RBP5: variants seen among roughly 807,000 people sequenced by gnomAD.
RBP5 encodes the protein retinol-binding protein 5.
Under a neutral mutation model 17.8 loss-of-function variants are expected in RBP5, and 12 were observed. The observed-to-expected ratio is 0.67, with a 90% confidence interval of 0.43 to 1.09. The LOEUF is 1.09. RBP5 is among the 50% of genes least tolerant of loss of function. The pLI is 0.00. For synonymous variants in RBP5, 64 were observed against 68.1 expected (o/e 0.94, Z 0.30); for missense variants, 172 against 169.4 (o/e 1.02, Z -0.09).
rs750488072 is a variant in RBP5 at position 7,117,794 on chromosome 12, C to T, written n.890-487G>A. ...GACAAGGTCTCCATCAGCAGATTGC[C>T]CAACAGAACAAGTTCAGAGCCCAGA... On this transcript the variant is annotated intron_variant and non_coding_transcript_variant, in intron 3 of 3. Transcript: ENST00000619522. This position sits in a 1 kb window ranked among gnomAD's most constrained non-coding sequence, Gnocchi z 4.9. 2.6e-5 allele frequency: 4 copies of T among 152,260 alleles called. No homozygotes were observed. Among genetic ancestry groups the T allele is most frequent in the African/African-American group, 7.2e-5 (3 of 41,548 alleles). 9.4% of individuals were successfully genotyped at this position (152,260 alleles called of 1,614,324 possible). A position where few individuals can be genotyped will look rare whatever the true frequency, so the allele number is the denominator to read the frequency against.
chr12:7,123,050 G>C (rs1421511458), downstream of RBP5, among the ~76,000 whole-genome samples: 1 of 152,084 alleles, frequency 6.6e-6, no homozygotes, highest in Admixed American at 6.5e-5. Context: ...CCTTCCCCCA[G>C]GCTCTTTTCC....
chr12:7,129,891 C>T, upstream of RBP5: 1 of 825,580 alleles, frequency 1.2e-6, no homozygotes, highest in Non-Finnish European at 1.5e-6. The surrounding 1 kb of genome is among the most constrained non-coding windows in gnomAD (Gnocchi z 5.5). Context: ...CGATACCGCC[C>T]TGCGGACCGC....
In RBP5 at chr12:7,124,298, T is replaced by A. The variant is rs1591608110; in HGVS notation, c.355-124A>T. 3 of 814,678 alleles carry A rather than the reference T, an allele frequency of 3.7e-6. No individual in the cohort carries two copies. In the East Asian group the frequency reaches 8.0e-5, roughly 22 times the overall value. The allele number at this position is 814,678 out of a possible 1,614,324, so 50.5% of individuals were successfully genotyped here. A position where few individuals can be genotyped will look rare whatever the true frequency, so the allele number is the denominator to read the frequency against. On this transcript the variant is annotated intron_variant, in intron 3 of 3. Transcript: ENST00000266560. This position sits in a 1 kb window ranked among gnomAD's most constrained non-coding sequence, Gnocchi z 5.3. ...TACAGCAGCTTGAGTGTTTGATGTA[T>A]GGGCAATTGTATCATTATTCCACAT...
chr12:7,126,174 A>G (rs1194832865), intron 2 of RBP5, among the ~76,000 whole-genome samples: 1 of 152,102 alleles, frequency 6.6e-6, no homozygotes, highest in African/African-American at 2.4e-5. Flanking sequence ...AACACAGGAG[A>G]GCCATTTAGA....
At chr12:7,126,964 C>T (rs1334606649) in intron 2 of RBP5, among the ~76,000 whole-genome samples, 2 of 151,196 alleles carry the variant, frequency 1.3e-5, no homozygotes, top group Non-Finnish European at 2.9e-5. Flanking sequence ...CGCCACCATG[C>T]CCGGCTAATT....
chr12:7,122,920 C>T (rs1214927630), downstream of RBP5, among the ~76,000 whole-genome samples: 2 of 152,108 alleles, frequency 1.3e-5, no homozygotes, highest in Admixed American at 6.5e-5. Flanking sequence ...ATCACAAGCC[C>T]CTAGTTCTTG....
chr12:7,128,266 T>C lies in RBP5; in HGVS notation c.226A>G (p.Arg76Gly). The C allele has an allele frequency of 6.2e-7, 1 of 1,614,090 alleles. No homozygotes were observed. ...TGGCATTTTCGTCCGTCCACGCTCC[T>C]GAGGTCCTCCTCAAACTCCACTCCC... ...DVGVEFEEDL[R>G]SVDGRKCQTI... The change falls in exon 2 of 4, where the codon AGG becomes GGG. Residue 76 changes from arginine to glycine, a missense_variant. Transcript: ENST00000266560. This position sits in a 1 kb window ranked among gnomAD's most constrained non-coding sequence, Gnocchi z 5.3.
intron 2 of RBP5, among the ~76,000 whole-genome samples, chr12:7,126,522 T>C (rs1591609316): frequency 2.1e-5 from 2 of 94,208 alleles, no homozygotes. Flanking sequence ...TGTGTGTGTG[T>C]GTGTGTGTGT....
Position 7,125,985 on chromosome 12 carries a change from C to T in RBP5, c.253-1255G>A, listed in dbSNP as rs75275379. On this transcript the variant is annotated intron_variant, in intron 2 of 3. Coordinates refer to ENST00000266560, the MANE Select transcript of RBP5 (RefSeq NM_031491.4). The stretch of plus-strand genomic sequence containing the variant: ...CAGTGGCTTAGGCCCGTAATCTCAG[C>T]ATTTGGGAGGCTGAGGCGGGAGAAT... 1.2e-3 allele frequency among the ~76,000 whole-genome samples: 174 copies of T among 150,582 alleles called. 4 individuals are homozygous for T. The East Asian group carries it at 0.031, about 27-fold the overall frequency.
chr12:7,124,437 G>A lies in RBP5; in HGVS notation c.354+192C>T, dbSNP rs115744204. Among the ~76,000 whole-genome samples the A allele has an allele frequency of 0.011, 1,676 of 152,186 alleles. 25 individuals carry two copies. Among genetic ancestry groups the A allele is most frequent in the African/African-American group, 0.038 (1,586 of 41,510 alleles). On this transcript the variant is annotated intron_variant, in intron 3 of 3. Coordinates refer to ENST00000266560, the MANE Select transcript of RBP5 (RefSeq NM_031491.4). This position sits in a 1 kb window ranked among gnomAD's most constrained non-coding sequence, Gnocchi z 5.3. ...GGCATTCATCCGACTCGTAGCCAGG[G>A]CCCACCTTGGCCACTCTGTTTCTTC...
At chr12:7,127,767 G>A in intron 2 of RBP5, 2 of 698,138 alleles carry the variant, frequency 2.9e-6, no homozygotes, top group Non-Finnish European at 5.2e-6. Flanking sequence ...TGGATAGTGG[G>A]CAGACAAAAG....
chr12:7,128,346 T>C lies in RBP5; in HGVS notation c.146A>G (p.His49Arg). The change falls in exon 2 of 4, where the codon CAC becomes CGC. Residue 49 changes from histidine (H) to arginine (R), a missense_variant. Physicochemically the swap from His to Arg is conservative, Grantham distance 29 (BLOSUM62 0). Coordinates refer to ENST00000266560, the MANE Select transcript of RBP5 (RefSeq NM_031491.4). The surrounding 1 kb of genome is among the most constrained non-coding windows in gnomAD (Gnocchi z 5.3). ...GGTGCTGAGCGTCCTCACCGTCATG[T>C]GGTTGCCCTGGTGTTCGATCTCCTT... The part of the protein sequence containing the change: ...PDKEIEHQGN[H>R]MTVRTLSTFR... 1 of 1,614,176 alleles carries C rather than the reference T, an allele frequency of 6.2e-7. No homozygotes were observed. The highest frequency in any genetic ancestry group is 8.5e-7 in the Non-Finnish European group (1 of 1,180,022).
chr12:7,126,541 G>A (rs1939168205), intron 2 of RBP5, among the ~76,000 whole-genome samples: 1 of 149,292 alleles, frequency 6.7e-6, no homozygotes, highest in Admixed American at 6.6e-5. Flanking sequence ...GTGTGTGTGT[G>A]TGTGTGTGTG....
Position 7,127,827 on chromosome 12 carries a change from G to C in RBP5, c.252+413C>G. Reference sequence around the variant, plus strand: ...CTGCGGAGAAAACTCCAGTTTAAAGGATTAATAGGAGGACTAGGATCTGCA... The same window carrying C: ...CTGCGGAGAAAACTCCAGTTTAAAGCATTAATAGGAGGACTAGGATCTGCA... On this transcript the variant is annotated intron_variant, in intron 2 of 3. Coordinates refer to ENST00000266560, the MANE Select transcript of RBP5 (RefSeq NM_031491.4). The C allele has an allele frequency of 7.6e-6, 5 of 659,574 alleles. No individual in the cohort carries two copies. The South Asian group carries it at 8.0e-5, about 11-fold the overall frequency. 40.9% of individuals were successfully genotyped at this position (659,574 alleles called of 1,614,324 possible).
intron 3 of RBP5, chr12:7,118,469 T>A (rs1396138406): frequency 6.6e-6 from 1 of 152,202 alleles, no homozygotes; most frequent in Non-Finnish European, 1.5e-5. Context: ...TTGTGCCACC[T>A]GCCTGGGTCA....
Position 7,124,119 on chromosome 12 carries a change from G to A in RBP5, c.*2C>T, listed in dbSNP as rs781025400. On this transcript the variant is annotated 3_prime_UTR_variant, in exon 4 of 4. Coordinates refer to ENST00000266560, the MANE Select transcript of RBP5 (RefSeq NM_031491.4). The surrounding 1 kb of genome is among the most constrained non-coding windows in gnomAD (Gnocchi z 5.3). ...TCTGGAGGGATCTTGGCTCCTCTCCGGCTATCTGACCTTCCTGAAGACCTG... is the reference window on the plus strand; with the variant it reads ...TCTGGAGGGATCTTGGCTCCTCTCCAGCTATCTGACCTTCCTGAAGACCTG... The A allele has an allele frequency of 1.3e-5, 21 of 1,613,846 alleles. No individual in the cohort carries two copies. The highest frequency in any genetic ancestry group is 4.5e-5 in the East Asian group (2 of 44,868).
rs1193677837 is a variant in RBP5, at chr12:7,126,078, A to AAC, written c.253-1349_253-1348insGT. 7.3e-5 allele frequency among the ~76,000 whole-genome samples: 11 copies of AAC among 151,488 alleles called. No homozygotes were observed. The South Asian group carries it at 1.0e-3, about 14-fold the overall frequency. On this transcript the variant is annotated intron_variant, in intron 2 of 3. Coordinates refer to ENST00000266560, the MANE Select transcript of RBP5 (RefSeq NM_031491.4). ...GAGACCCCACCTCTACCAAAAAAAA[A>AAC]AAAACACAAAAACACAAAAAAGCAA...
At chr12:7,121,273 G>C (rs1466721160), downstream of RBP5, among the ~76,000 whole-genome samples, 1 of 152,140 alleles carries the variant, frequency 6.6e-6, no homozygotes, top group South Asian at 2.1e-4. Flanking sequence ...ATTAGGGTGG[G>C]GGAAAGGTAC....
rs938449828 is a variant in RBP5, at chr12:7,123,972, T to G, written c.*149A>C. 2.0e-5 allele frequency: 14 copies of G among 704,982 alleles called. No homozygotes were observed. Among genetic ancestry groups the G allele is most frequent in the Middle Eastern group, 3.5e-4 (1 of 2,884 alleles). 43.7% of individuals were successfully genotyped at this position (704,982 alleles called of 1,614,324 possible). A position where few individuals can be genotyped will look rare whatever the true frequency, so the allele number is the denominator to read the frequency against. ...GGCCTGGGGGCTGCAAGTTACAGAT[T>G]AACACGGGGAGGGGTGAGGAGGGAC... On this transcript the variant is annotated 3_prime_UTR_variant, in exon 4 of 4. Coordinates refer to ENST00000266560, the MANE Select transcript of RBP5 (RefSeq NM_031491.4).
Sources: gnomAD v4.1 joint callset for allele counts (sites outside exome capture counted in the v4.1 genomes callset) on GRCh38, gnomAD v4.1.1 for gene constraint, Gnocchi (gnomAD v3.1) non-coding constraint, MANE v1.5 for transcripts, NCBI Gene and HGNC (gene_info 2026-07-23, HGNC 2026-07-21) for gene names.